The following PRTFDC1 variants were observed in gnomAD, a reference collection of about 807,000 sequenced individuals.
PRTFDC1 encodes phosphoribosyltransferase domain-containing protein 1.
Under a neutral mutation model 34.6 loss-of-function variants are expected in PRTFDC1, and 38 were observed. That is an observed-to-expected ratio of 1.10 (90% CI 0.85 to 1.44). The LOEUF (loss-of-function observed/expected upper bound fraction) is 1.44. Among genes scored for constraint, PRTFDC1 ranks in the 40% most tolerant of loss-of-function variants. The pLI is 0.00. For synonymous variants in PRTFDC1, 93 were observed against 98.1 expected (o/e 0.95, Z 0.31); for missense variants, 270 against 283.0 (o/e 0.95, Z 0.33).
chr10:24,941,521 TC>T (rs1480599884), intron 2 of PRTFDC1, among the ~76,000 whole-genome samples: 17 of 152,078 alleles, frequency 1.1e-4, no homozygotes, highest in Admixed American at 1.3e-4. Context: ...TAAATTTATT[TC>T]AAAGGTGAAA....
At position 24,866,197 on chromosome 10, in the gene PRTFDC1, C is replaced by T. The variant is rs146150985; in HGVS notation, c.405+5801G>A. ...CCAACTTGGTGAAACCCCATCTCTTCTAAAACTACAAAAATTAGCTGGGTA... is the reference window on the plus strand; with the variant it reads ...CCAACTTGGTGAAACCCCATCTCTTTTAAAACTACAAAAATTAGCTGGGTA... On this transcript the variant is annotated intron_variant, in intron 4 of 8. Transcript: ENST00000320152. Among the ~76,000 whole-genome samples the T allele has an allele frequency of 2.3e-3, 353 of 151,960 alleles. 5 individuals carry two copies. Among genetic ancestry groups the T allele is most frequent in the African/African-American group, 7.7e-3 (318 of 41,450 alleles).
At chr10:24,938,480 C>T (rs1849091823) in intron 2 of PRTFDC1, among the ~76,000 whole-genome samples, 1 of 152,210 alleles carries the variant, frequency 6.6e-6, no homozygotes, top group Admixed American at 6.5e-5. Flanking sequence ...CCCCTATCCC[C>T]AGCTCTGTTG....
chr10:24,951,422 G>A, intron 1 of PRTFDC1: 1 of 447,320 alleles, frequency 2.2e-6, no homozygotes, highest in African/African-American at 2.1e-5. Flanking sequence ...ATAAACGTGT[G>A]GAATGAATAA....
intron 4 of PRTFDC1, among the ~76,000 whole-genome samples, chr10:24,864,843 C>T (rs992880468): frequency 6.6e-6 from 1 of 152,080 alleles, no homozygotes; most frequent in Admixed American, 6.5e-5. Context: ...AGGCTGGGTG[C>T]GATGGCTCAC....
chr10:24,874,439 ATGT>A (rs1257366514), intron 3 of PRTFDC1, among the ~76,000 whole-genome samples: 1 of 152,182 alleles, frequency 6.6e-6, no homozygotes, highest in Non-Finnish European at 1.5e-5. Context: ...AGACTTAAAT[ATGT>A]TGTTAATAGC....
chr10:24,914,751 CTCTAGCCAACTCCT>C (rs537007383), intron 3 of PRTFDC1, among the ~76,000 whole-genome samples: 5 of 152,314 alleles, frequency 3.3e-5, no homozygotes, highest in African/African-American at 7.2e-5. Context: ...AAAACTACAG[CTCTAGCCAACTCCT>C]TCTCTGACTA....
intron 3 of PRTFDC1, among the ~76,000 whole-genome samples, chr10:24,921,356 C>T (rs890735391): frequency 9.2e-5 from 14 of 152,112 alleles, no homozygotes; most frequent in African/African-American, 3.4e-4. Flanking sequence ...GGAGGATCCA[C>T]ACCCCAAAAC....
At chr10:24,905,501 T>C (rs1340788075) in intron 3 of PRTFDC1, among the ~76,000 whole-genome samples, 3 of 151,932 alleles carry the variant, frequency 2.0e-5, no homozygotes, top group Non-Finnish European at 2.9e-5. Context: ...TTTGTATTTT[T>C]AGTAGAGACA....
intron 3 of PRTFDC1, among the ~76,000 whole-genome samples, chr10:24,886,152 T>C (rs116692378): frequency 0.014 from 2,125 of 152,210 alleles, 44 homozygotes; most frequent in African/African-American, 0.049. Context: ...GTGATAATGA[T>C]GTGTTAATGT....
intron 3 of PRTFDC1, among the ~76,000 whole-genome samples, chr10:24,882,496 C>T (rs574708314): frequency 1.2e-4 from 18 of 152,134 alleles, no homozygotes; most frequent in African/African-American, 2.4e-4. Flanking sequence ...CTTGTAAGCG[C>T]GCATGTTAGC....
chr10:24,899,983 A>T (rs1247873471), intron 3 of PRTFDC1, among the ~76,000 whole-genome samples: 1 of 152,210 alleles, frequency 6.6e-6, no homozygotes, highest in East Asian at 1.9e-4. Flanking sequence ...CAGAAATTTT[A>T]TAGAACTCAC....
chr10:24,880,198 C>T (rs959952672), intron 3 of PRTFDC1, among the ~76,000 whole-genome samples: 6 of 151,964 alleles, frequency 3.9e-5, no homozygotes, highest in Non-Finnish European at 5.9e-5. Flanking sequence ...ATAAATAGTA[C>T]ATAAAGTTTG....
chr10:24,933,476 A>G (rs1027153771), intron 3 of PRTFDC1, among the ~76,000 whole-genome samples: 1 of 152,228 alleles, frequency 6.6e-6, no homozygotes, highest in African/African-American at 2.4e-5. Flanking sequence ...TGAATAGCAA[A>G]CCAGCAAATG....
intron 3 of PRTFDC1, among the ~76,000 whole-genome samples, chr10:24,931,185 T>G (rs941201735): frequency 6.6e-6 from 1 of 152,072 alleles, no homozygotes; most frequent in Admixed American, 6.6e-5. Context: ...ATAGTTTGAA[T>G]TGAATGAAAA....
chr10:24,858,296 G>A, intron 5 of PRTFDC1, 96 bp downstream of exon 5: 3 of 1,409,682 alleles, frequency 2.1e-6, no homozygotes, highest in Non-Finnish European at 3.0e-6. Context: ...GGGAGCTCAA[G>A]AAATCCTTGG....
intron 3 of PRTFDC1, among the ~76,000 whole-genome samples, chr10:24,887,197 C>T (rs1848183542): frequency 6.6e-6 from 1 of 151,624 alleles, no homozygotes; most frequent in South Asian, 2.1e-4. Context: ...GTCTCGATCT[C>T]CTGACCTCAT....
chr10:24,857,178 A>C (rs1354892284), intron 5 of PRTFDC1, among the ~76,000 whole-genome samples, 183 bp from the exon 6 acceptor site: 1 of 152,112 alleles, frequency 6.6e-6, no homozygotes, highest in Non-Finnish European at 1.5e-5. Context: ...CTGGAAGCTG[A>C]GTTTTGGGGA....
At chr10:24,891,702 A>G (rs1171343497) in intron 3 of PRTFDC1, among the ~76,000 whole-genome samples, 1 of 152,140 alleles carries the variant, frequency 6.6e-6, no homozygotes, top group Non-Finnish European at 1.5e-5. Context: ...AGGAGGCTGC[A>G]GTGAGCTGTA....
chr10:24,904,287 CACACACAA>C (rs1364398934), intron 3 of PRTFDC1, among the ~76,000 whole-genome samples: 4 of 151,978 alleles, frequency 2.6e-5, no homozygotes, highest in Non-Finnish European at 5.9e-5. Flanking sequence ...CACACACACA[CACACACAA>C]GGAATCTCAG....
Sources: allele counts gnomAD v4.1 joint callset (sites outside exome capture counted in the v4.1 genomes callset), GRCh38; gene constraint gnomAD v4.1.1; transcripts MANE v1.5; gene names NCBI Gene and HGNC (gene_info 2026-07-23, HGNC 2026-07-21).